The following GPR149 variants were observed in gnomAD, a reference collection of about 807,000 sequenced individuals.
GPR149 encodes the protein probable G protein-coupled receptor 149.
A neutral mutation model predicts 50.2 loss-of-function variants in GPR149; 50 were observed. The observed-to-expected ratio is 1.00, with a 90% CI of 0.79 to 1.26. The LOEUF (loss-of-function observed/expected upper bound fraction) is 1.26. GPR149 is among the 50% of genes most tolerant of loss of function. The pLI, the probability that GPR149 is intolerant of heterozygous loss-of-function variation, is 0.00. For missense variants in GPR149, 983 were observed against 895.4 expected (o/e 1.10, Z -1.25); for synonymous variants, 405 against 358.2 (o/e 1.13, Z -1.48).
intron 3 of GPR149, among the ~76,000 whole-genome samples, chr3:154,349,174 A>G (rs1714007108): frequency 1.3e-5 from 2 of 152,180 alleles, no homozygotes; most frequent in East Asian, 3.8e-4. Context: ...GTCTTAAACC[A>G]ATAGTCTAGC....
intron 3 of GPR149, among the ~76,000 whole-genome samples, chr3:154,376,001 G>T (rs1714785822): frequency 6.6e-6 from 1 of 152,162 alleles, no homozygotes; most frequent in African/African-American, 2.4e-5. Context: ...CAGGCCTTCT[G>T]ACTTGAACTG....
chr3:154,351,596 T>C (rs1422932652), intron 3 of GPR149, among the ~76,000 whole-genome samples: 1 of 152,188 alleles, frequency 6.6e-6, no homozygotes, highest in African/African-American at 2.4e-5. Flanking sequence ...AGGGAGTCTA[T>C]TGTTGAACCT....
intron 3 of GPR149, chr3:154,354,601 G>A (rs1035642632): frequency 4.3e-5 from 8 of 187,148 alleles, no homozygotes; most frequent in Admixed American, 3.1e-4. Context: ...CGGGTGGGAG[G>A]AGGAAAGACT....
Position 154,427,712 on chromosome 3 carries a change from C to G in GPR149, c.982-4G>C. 1 of 1,608,846 alleles carries G rather than the reference C, an allele frequency of 6.2e-7. No homozygotes were observed. The highest frequency in any genetic ancestry group is 1.7e-4 in the Middle Eastern group (1 of 6,010). ...CGTTCTGGACCACCATGTGCATCTG[C>G]AAGGGCAAGAGAACTTCAGACCTAA... On this transcript the variant is annotated splice_polypyrimidine_tract_variant and splice_region_variant and intron_variant, in intron 1 of 3. Transcript: ENST00000389740.
chr3:154,357,716 G>T (rs1194704593), intron 3 of GPR149, among the ~76,000 whole-genome samples: 2 of 152,232 alleles, frequency 1.3e-5, no homozygotes, highest in Non-Finnish European at 2.9e-5. Context: ...TTCGACCATT[G>T]TGGAAGTCAG....
At chr3:154,353,806 A>T in intron 3 of GPR149, 1 of 687,980 alleles carries the variant, frequency 1.5e-6, no homozygotes, top group Non-Finnish European at 2.7e-6. Context: ...TCGAGCTATT[A>T]AATCTTTTCT....
chr3:154,388,672 C>T (rs982508661), intron 3 of GPR149, among the ~76,000 whole-genome samples: 1 of 152,074 alleles, frequency 6.6e-6, no homozygotes, highest in Non-Finnish European at 1.5e-5. Flanking sequence ...TAATCCATTA[C>T]TCAGCGTTCC....
At chr3:154,403,768 A>T (rs1208276340) in intron 3 of GPR149, among the ~76,000 whole-genome samples, 1 of 125,288 alleles carries the variant, frequency 8.0e-6, no homozygotes, top group Non-Finnish European at 1.7e-5. Context: ...CTTTTGGTCC[A>T]TTCCTAAATG....
intron 3 of GPR149, among the ~76,000 whole-genome samples, chr3:154,397,075 T>TA (rs1332470955): frequency 6.6e-6 from 1 of 151,964 alleles, no homozygotes; most frequent in Non-Finnish European, 1.5e-5. Context: ...AGGAGAGAAG[T>TA]AAGTGTTGCT....
In GPR149 at chr3:154,405,339, A is replaced by G. The variant is rs914094440; in HGVS notation, c.1623+15700T>C. ...TGTGGTGGCTCACGCAGGTAATCCCAGCACTTTGGGAGGCCAAGGTGGGTG... is the reference window on the plus strand; with the variant it reads ...TGTGGTGGCTCACGCAGGTAATCCCGGCACTTTGGGAGGCCAAGGTGGGTG... On this transcript the variant is annotated intron_variant, in intron 3 of 3. Coordinates refer to ENST00000389740, the MANE Select transcript of GPR149 (RefSeq NM_001038705.3). Among the ~76,000 whole-genome samples the G allele has an allele frequency of 4.6e-5, 7 of 152,276 alleles. No homozygotes were observed. In the South Asian group the frequency reaches 1.0e-3, roughly 23 times the overall value.
At chr3:154,388,538 C>T (rs548076531) in intron 3 of GPR149, among the ~76,000 whole-genome samples, 2 of 152,148 alleles carry the variant, frequency 1.3e-5, no homozygotes, top group East Asian at 3.9e-4. Flanking sequence ...TGTGCTTTTA[C>T]CTGAGGGCTA....
intron 3 of GPR149, among the ~76,000 whole-genome samples, chr3:154,410,499 G>A (rs557142963): frequency 4.6e-5 from 7 of 151,778 alleles, no homozygotes; most frequent in East Asian, 3.9e-4. Context: ...CGCCTAACAC[G>A]TAAGGATTCA....
intron 3 of GPR149, among the ~76,000 whole-genome samples, chr3:154,415,472 A>G (rs9882885): frequency 0.35 from 52,556 of 151,686 alleles, 9,474 homozygotes; most frequent in African/African-American, 0.42. Flanking sequence ...ATATTCATGG[A>G]TGAATTTTCA....
intron 2 of GPR149, among the ~76,000 whole-genome samples, chr3:154,424,013 A>G (rs1712227659): frequency 6.6e-6 from 1 of 151,854 alleles, no homozygotes; most frequent in Non-Finnish European, 1.5e-5. Context: ...CAAATGGGAA[A>G]GTTCTTCCTC....
chr3:154,396,134 A>G (rs533127621), intron 3 of GPR149, among the ~76,000 whole-genome samples: 9 of 152,244 alleles, frequency 5.9e-5, no homozygotes, highest in African/African-American at 2.2e-4. Flanking sequence ...TTTCATTCGG[A>G]TCAACTCCCA....
At chr3:154,410,098 T>C (rs1373898537) in intron 3 of GPR149, among the ~76,000 whole-genome samples, 1 of 152,024 alleles carries the variant, frequency 6.6e-6, no homozygotes, top group African/African-American at 2.4e-5. Context: ...AACAAAACAA[T>C]CATCATCCAA....
chr3:154,337,815 C>T lies in GPR149; in HGVS notation c.2080G>A (p.Glu694Lys), dbSNP rs756015907. The stretch of plus-strand genomic sequence containing the variant: ...CTTTTACTGTTCTGCCTGTGTGCTT[C>T]TACTGTGTCTGGAATGGAGATATTA... ...DINISIPDTV[E>K]AHRQNSKRQH... Residue 694 changes from glutamate (E) to lysine (K), a missense_variant, in exon 4 of 4, where the codon GAA becomes AAA. Coordinates refer to ENST00000389740, the MANE Select transcript of GPR149 (RefSeq NM_001038705.3). 2.7e-5 allele frequency: 43 copies of T among 1,613,972 alleles called. No individual in the cohort carries two copies. Among genetic ancestry groups the T allele is most frequent in the Admixed American group, 5.0e-5 (3 of 60,000 alleles).
rs1559970494 is a variant in GPR149 at position 154,349,399 on chromosome 3, AT to A, written c.1624-11129del. 1.8e-4 allele frequency among the ~76,000 whole-genome samples: 27 copies of A among 152,306 alleles called. No homozygotes were observed. In the East Asian group the frequency reaches 4.8e-3, roughly 27 times the overall value. On this transcript the variant is annotated intron_variant, in intron 3 of 3. Coordinates refer to ENST00000389740, the MANE Select transcript of GPR149 (RefSeq NM_001038705.3). ...AAGACACAGATTACCAGTATTAGGA[AT>A]GAAACAGGATATCACTGCAGAGTCT... is the stretch of plus-strand genomic sequence containing the variant.
chr3:154,341,696 T>G (rs917747283), intron 3 of GPR149, among the ~76,000 whole-genome samples: 2 of 152,122 alleles, frequency 1.3e-5, no homozygotes, highest in Admixed American at 6.5e-5. Flanking sequence ...TAATAAAAGT[T>G]CCACTGAAAT....
Sources: allele counts gnomAD v4.1 joint callset (sites outside exome capture counted in the v4.1 genomes callset), GRCh38; gene constraint gnomAD v4.1.1; transcripts MANE v1.5; gene names NCBI Gene and HGNC (gene_info 2026-07-23, HGNC 2026-07-21).